The following RGS6 variants were observed in gnomAD, a reference collection of about 807,000 sequenced individuals.
RGS6 encodes the protein regulator of G-protein signaling 6.
A neutral mutation model predicts 78.5 loss-of-function variants in RGS6; 30 were observed. The ratio of observed to expected loss-of-function variants is 0.38; its 90% confidence interval spans 0.29 to 0.52. RGS6 has a LOEUF of 0.52. RGS6 is among the 20% of genes least tolerant of loss of function. RGS6 has a pLI of 0.85. For synonymous variants in RGS6, 206 were observed against 206.0 expected (o/e 1.00, Z 0.00); for missense variants, 495 against 609.7 (o/e 0.81, Z 1.98).
chr14:72,562,703 T>A lies in RGS6; in HGVS notation c.*236T>A. The A allele has an allele frequency of 1.3e-6, 2 of 1,536,180 alleles. No homozygotes were observed. Among genetic ancestry groups the A allele is most frequent in the Non-Finnish European group, 1.7e-6 (2 of 1,146,914 alleles). On this transcript the variant is annotated 3_prime_UTR_variant, in exon 18 of 18. Coordinates refer to ENST00000553525, the MANE Select transcript of RGS6 (RefSeq NM_001204424.2). ...GGAGGCTCCTGTTTACAGCCCTCTC[T>A]TCTTTGTACAGTTGTATTCCAACAC... is the stretch of plus-strand genomic sequence containing the variant.
intron 3 of RGS6, among the ~76,000 whole-genome samples, chr14:72,441,460 G>A (rs1323876392): frequency 6.6e-6 from 1 of 152,056 alleles, no homozygotes; most frequent in Non-Finnish European, 1.5e-5. Flanking sequence ...AGTGGGGCAG[G>A]AAATGCACCA....
chr14:72,493,504 A>G (rs1266008554), intron 12 of RGS6, among the ~76,000 whole-genome samples: 1 of 77,082 alleles, frequency 1.3e-5, no homozygotes, highest in African/African-American at 5.3e-5. Flanking sequence ...TGAACTGGAA[A>G]AAAAAATATA....
the RGS6 span, among the ~76,000 whole-genome samples, chr14:72,608,792 C>A: frequency 3.9e-5 from 6 of 152,222 alleles, no homozygotes; most frequent in Non-Finnish European, 8.8e-5. Flanking sequence ...CATCACCAGG[C>A]AGCAACTGAG....
At chr14:72,085,853 C>CAAAAAAAAAAAAA (rs35951230) in intron 2 of RGS6, among the ~76,000 whole-genome samples, 1 of 72,742 alleles carries the variant, frequency 1.4e-5, no homozygotes. Context: ...GACACCATCT[C>CAAAAAAAAAAAAA]AAAAAAAAAA....
intron 2 of RGS6, among the ~76,000 whole-genome samples, chr14:72,243,699 C>A (rs537307631): frequency 6.6e-6 from 1 of 151,676 alleles, no homozygotes; most frequent in African/African-American, 2.4e-5. Context: ...TGTTTCCTTT[C>A]GTTTAATGGG....
intron 1 of RGS6, among the ~76,000 whole-genome samples, chr14:71,957,965 G>A (rs1476333404): frequency 6.6e-6 from 1 of 151,628 alleles, no homozygotes; most frequent in Non-Finnish European, 1.5e-5. Context: ...ATTGGGTCTT[G>A]CTATGTTGCC....
At chr14:72,523,439 C>T (rs2097077365) in intron 15 of RGS6, among the ~76,000 whole-genome samples, 1 of 152,088 alleles carries the variant, frequency 6.6e-6, no homozygotes, top group South Asian at 2.1e-4. Context: ...CTCATAAACC[C>T]CCTGCAGTGG....
intron 7 of RGS6, among the ~76,000 whole-genome samples, chr14:72,467,298 C>A (rs2095943441): frequency 6.6e-6 from 1 of 152,148 alleles, no homozygotes; most frequent in Non-Finnish European, 1.5e-5. Flanking sequence ...GGGCCAGCAG[C>A]TATGGAAGGA....
At chr14:72,307,896 G>T (rs1051953631) in intron 2 of RGS6, among the ~76,000 whole-genome samples, 4 of 152,082 alleles carry the variant, frequency 2.6e-5, no homozygotes, top group African/African-American at 9.7e-5. Flanking sequence ...CCCTGATAGT[G>T]TTTTAGAGTT....
At chr14:71,891,841 T>C in the RGS6 span, among the ~76,000 whole-genome samples, 4 of 152,134 alleles carry the variant, frequency 2.6e-5, no homozygotes, top group African/African-American at 4.8e-5. Flanking sequence ...TCCTTGTATT[T>C]TTCCCCCTTT....
chr14:72,425,031 T>TA (rs1223086679), intron 3 of RGS6, among the ~76,000 whole-genome samples: 2 of 152,170 alleles, frequency 1.3e-5, no homozygotes, highest in Non-Finnish European at 2.9e-5. Context: ...ATGAATAAAT[T>TA]AATTCAACAA....
intron 3 of RGS6, among the ~76,000 whole-genome samples, chr14:72,439,495 C>A (rs111754699): frequency 2.0e-5 from 3 of 150,720 alleles, no homozygotes; most frequent in African/African-American, 7.3e-5. Context: ...ATTGCAGTAA[C>A]CAGGACATCA....
rs564376690 is a variant in RGS6, at chr14:72,053,245, G to A, written c.84+88370G>A. On this transcript the variant is annotated intron_variant, in intron 2 of 17. Coordinates refer to ENST00000553525, the MANE Select transcript of RGS6 (RefSeq NM_001204424.2). ...AGCGATTCTCCTGCCTCAACCTCCC[G>A]AGTAGCTGGGGCTACAGCTGCCCAC... is the stretch of plus-strand genomic sequence containing the variant. 1.7e-3 allele frequency among the ~76,000 whole-genome samples: 261 copies of A among 149,872 alleles called. 1 individual carries two copies. Among genetic ancestry groups the A allele is most frequent in the Middle Eastern group, 3.4e-3 (1 of 294 alleles).
In RGS6 at chr14:72,507,038, G is replaced by A. The variant is rs557896604; in HGVS notation, c.966-3116G>A. 2.8e-4 allele frequency among the ~76,000 whole-genome samples: 41 copies of A among 148,616 alleles called. No individual in the cohort carries two copies. The Middle Eastern group carries it at 0.011, about 39-fold the overall frequency. On this transcript the variant is annotated intron_variant, in intron 13 of 17. Coordinates refer to ENST00000553525, the MANE Select transcript of RGS6 (RefSeq NM_001204424.2). ...AAAAAAATTAGCTGGCCATGGTGGC[G>A]GGTGCCTGTAGTCCCAGCTACTCAG...
chr14:72,076,379 T>C (rs1360937799), intron 2 of RGS6, among the ~76,000 whole-genome samples: 1 of 152,224 alleles, frequency 6.6e-6, no homozygotes, highest in Non-Finnish European at 1.5e-5. Flanking sequence ...ATTACATGGA[T>C]GTCCCTTATT....
At chr14:72,039,580 A>G (rs140702780) in intron 2 of RGS6, among the ~76,000 whole-genome samples, 1 of 152,252 alleles carries the variant, frequency 6.6e-6, no homozygotes, top group East Asian at 1.9e-4. Context: ...TATGTGTGCC[A>G]TTATATCTAA....
At chr14:72,140,959 T>A (rs578143256) in intron 2 of RGS6, among the ~76,000 whole-genome samples, 3 of 152,362 alleles carry the variant, frequency 2.0e-5, no homozygotes, top group African/African-American at 7.2e-5. Flanking sequence ...ACCGTGTAAA[T>A]GTGCTACAAT....
the RGS6 span, chr14:72,612,428 T>A: frequency 1.9e-6 from 1 of 515,516 alleles, no homozygotes; most frequent in South Asian, 1.4e-5. Flanking sequence ...AGTGTTTCTG[T>A]CCTTTTTTTT....
chr14:72,058,434 T>C (rs983133937), intron 2 of RGS6, among the ~76,000 whole-genome samples: 1 of 152,108 alleles, frequency 6.6e-6, no homozygotes, highest in Non-Finnish European at 1.5e-5. Flanking sequence ...TTTATCAACA[T>C]TAAAAACATT....
Sources: gnomAD v4.1 joint callset for allele counts (sites outside exome capture counted in the v4.1 genomes callset) on GRCh38, gnomAD v4.1.1 for gene constraint, MANE v1.5 for transcripts, NCBI Gene and HGNC (gene_info 2026-07-23, HGNC 2026-07-21) for gene names.